Variants in PDS5A observed in about 807,000 individuals in gnomAD.
PDS5A encodes PDS5 cohesin associated factor A, also known as sister chromatid cohesion protein PDS5 homolog A.
Under a neutral mutation model 167.1 loss-of-function variants are expected in PDS5A, and 42 were observed. The observed-to-expected ratio is 0.25, with a 90% CI of 0.20 to 0.33. The LOEUF (loss-of-function observed/expected upper bound fraction) is 0.33, where lower values mean the gene tolerates loss of function less well. Ranked by LOEUF, PDS5A falls within the 10% of genes least tolerant of loss-of-function variation. The pLI is 1.00. For synonymous variants in PDS5A, 553 were observed against 554.6 expected (o/e 1.00, Z 0.04); for missense variants, 1,033 against 1,605.9 (o/e 0.64, Z 6.10).
intron 8 of PDS5A, among the ~76,000 whole-genome samples, chr4:39,914,656 G>A (rs769630423): frequency 1.7e-4 from 26 of 152,172 alleles, no homozygotes; most frequent in Non-Finnish European, 2.8e-4. Flanking sequence ...AACAGTATAT[G>A]CGATAAAAAT....
At chr4:39,909,624 T>C (rs745489864) in intron 10 of PDS5A, among the ~76,000 whole-genome samples, 4 of 152,198 alleles carry the variant, frequency 2.6e-5, no homozygotes, top group Non-Finnish European at 5.9e-5. Context: ...TTATAATCTG[T>C]TCAAAAAATT....
At chr4:39,913,309 C>G (rs1322094367) in intron 9 of PDS5A, among the ~76,000 whole-genome samples, 1 of 152,032 alleles carries the variant, frequency 6.6e-6, no homozygotes. Context: ...GAACTCCTGA[C>G]CTCAAGTGAT....
intron 2 of PDS5A, among the ~76,000 whole-genome samples, chr4:39,930,247 G>GTTGTT (rs1725915235): frequency 1.6e-5 from 1 of 61,952 alleles, no homozygotes; most frequent in Non-Finnish European, 3.2e-5. Context: ...AAAAAAAAAA[G>GTTGTT]TTTTTTTGTT....
intron 16 of PDS5A, 23 bp downstream of exon 16, chr4:39,898,366 A>C (rs1289128318): frequency 1.3e-6 from 2 of 1,520,580 alleles, no homozygotes; most frequent in Admixed American, 4.5e-5. Context: ...CTAGAGAAAA[A>C]GTGTGAAGTA....
At chr4:39,950,284 G>A (rs781053211) in intron 2 of PDS5A, among the ~76,000 whole-genome samples, 4 of 151,972 alleles carry the variant, frequency 2.6e-5, no homozygotes, top group Non-Finnish European at 4.4e-5. Context: ...AATTTAGGCC[G>A]GGCACGGTGG....
chr4:39,936,185 C>G (rs141658315), intron 2 of PDS5A, among the ~76,000 whole-genome samples: 2 of 152,234 alleles, frequency 1.3e-5, no homozygotes, highest in Non-Finnish European at 2.9e-5. Flanking sequence ...TTGTTATTCC[C>G]CGACAGCAAT....
intron 2 of PDS5A, among the ~76,000 whole-genome samples, chr4:39,931,302 G>GT (rs1452527779): frequency 6.6e-6 from 1 of 151,598 alleles, no homozygotes; most frequent in East Asian, 1.9e-4. Flanking sequence ...GCCATATGGT[G>GT]CCCAGGCTAA....
chr4:39,973,037 TGCAA>T, intron 2 of PDS5A: 1 of 363,182 alleles, frequency 2.8e-6, no homozygotes, highest in South Asian at 3.6e-5. Context: ...TTTTATATTT[TGCAA>T]TTTTTTTTTC....
intron 2 of PDS5A, among the ~76,000 whole-genome samples, chr4:39,954,479 C>T (rs188430106): frequency 2.0e-5 from 3 of 151,936 alleles, no homozygotes; most frequent in African/African-American, 4.8e-5. Context: ...CCACCACCCT[C>T]GGCTAATTTT....
At chr4:39,829,950 C>CAAAAAAAAAAAAAAAAAAAAA in intron 32 of PDS5A, among the ~76,000 whole-genome samples, 1 of 67,304 alleles carries the variant, frequency 1.5e-5, no homozygotes, top group Non-Finnish European at 2.3e-5. Context: ...GACTCCAACT[C>CAAAAAAAAAAAAAAAAAAAAA]AAAAAAAAAA....
chr4:39,890,808 G>A (rs1246625519), intron 16 of PDS5A, among the ~76,000 whole-genome samples: 1 of 151,866 alleles, frequency 6.6e-6, no homozygotes, highest in East Asian at 1.9e-4. Context: ...GTAGAGACGG[G>A]GCTTCACCAT....
intron 2 of PDS5A, chr4:39,932,555 A>C (rs146531818): frequency 1.1e-3 from 197 of 187,568 alleles, no homozygotes; most frequent in African/African-American, 4.3e-3. Flanking sequence ...TAAAAAGAGA[A>C]CATGCAGCGC....
intron 2 of PDS5A, among the ~76,000 whole-genome samples, chr4:39,953,198 A>C (rs535106081): frequency 1.3e-5 from 2 of 152,278 alleles, no homozygotes; most frequent in South Asian, 4.1e-4. Flanking sequence ...AGGACACAAC[A>C]ACCGCTCCAC....
At chr4:39,962,080 C>T (rs1320019371) in intron 2 of PDS5A, among the ~76,000 whole-genome samples, 3 of 149,834 alleles carry the variant, frequency 2.0e-5, no homozygotes, top group Non-Finnish European at 3.0e-5. Flanking sequence ...TTTTTTGAGA[C>T]GTAGTCTCGC....
chr4:39,838,631 G>A (rs305130), intron 31 of PDS5A, among the ~76,000 whole-genome samples: 1 of 152,002 alleles, frequency 6.6e-6, no homozygotes, highest in African/African-American at 2.4e-5. Context: ...GCTGAGGTGG[G>A]AGGATTGCTT....
chr4:39,957,882 G>T (rs1352089831), intron 2 of PDS5A, among the ~76,000 whole-genome samples: 2 of 152,038 alleles, frequency 1.3e-5, no homozygotes, highest in African/African-American at 4.8e-5. Context: ...CAGGCCGGGG[G>T]TGATGGCTCA....
chr4:39,937,530 C>T (rs372231075), intron 2 of PDS5A, among the ~76,000 whole-genome samples: 4 of 152,234 alleles, frequency 2.6e-5, no homozygotes, highest in South Asian at 2.1e-4. Flanking sequence ...CCTCCTGCCT[C>T]GGTCTCCTGA....
chr4:39,860,154 T>C (rs979587174), intron 26 of PDS5A, among the ~76,000 whole-genome samples: 1 of 151,912 alleles, frequency 6.6e-6, no homozygotes, highest in Admixed American at 6.6e-5. Flanking sequence ...TGGATATATA[T>C]CCAAAATAAA....
chr4:39,911,835 T>TA (rs35068853), intron 9 of PDS5A, among the ~76,000 whole-genome samples: 1,867 of 125,260 alleles, frequency 0.015, 45 homozygotes, highest in African/African-American at 0.05. Context: ...CCGTCTCAAT[T>TA]AAAAAAAAAA....
Sources: allele counts gnomAD v4.1 joint callset (sites outside exome capture counted in the v4.1 genomes callset), GRCh38; gene constraint gnomAD v4.1.1; transcripts MANE v1.5; gene names NCBI Gene and HGNC (gene_info 2026-07-23, HGNC 2026-07-21).